Variants in ZBTB40 observed in about 807,000 individuals in gnomAD.
ZBTB40 encodes zinc finger and BTB domain-containing protein 40.
A neutral mutation model predicts 117.5 loss-of-function variants in ZBTB40; 60 were observed. The ratio of observed to expected loss-of-function variants is 0.51; its 90% confidence interval spans 0.41 to 0.63. The LOEUF (loss-of-function observed/expected upper bound fraction) is 0.63, where lower values mean the gene tolerates loss of function less well. Among genes scored for constraint, ZBTB40 ranks in the 30% least tolerant of loss-of-function variants. The pLI, the probability that ZBTB40 is intolerant of heterozygous loss-of-function variation, is 0.00. For missense variants in ZBTB40, 1,287 were observed against 1,498.5 expected, an observed-to-expected ratio of 0.86 and a Z score of 2.33; for synonymous variants, 525 against 577.1, an observed-to-expected ratio of 0.91 and a Z score of 1.29.
intron 1 of ZBTB40, among the ~76,000 whole-genome samples, chr1:22,483,386 CTG>C (rs1638380058): frequency 6.6e-6 from 1 of 152,156 alleles, no homozygotes. Context: ...TGTAGAATGT[CTG>C]TACTATTTTG....
At chr1:22,498,046 G>A (rs1469957883) in intron 3 of ZBTB40, among the ~76,000 whole-genome samples, 2 of 152,166 alleles carry the variant, frequency 1.3e-5, no homozygotes, top group African/African-American at 4.8e-5. Context: ...CAGTTAAAAG[G>A]CTTGAGTTAA....
At position 22,490,109 on chromosome 1, in the gene ZBTB40, A is replaced by T; in HGVS notation, c.161A>T (p.Asp54Val). The T allele has an allele frequency of 6.2e-7, 1 of 1,614,194 alleles. No individual in the cohort carries two copies. Among genetic ancestry groups the T allele is most frequent in the South Asian group, 1.1e-5 (1 of 91,082 alleles). ...AGCCTCCTGTTCAAAACCCTGCTGG[A>T]TAACACAGATACCATCTCCATCGAT... ...AASLLFKTLL[D>V]NTDTISIDAS... Residue 54 changes from aspartate to valine, a missense_variant, in exon 2 of 18, where the codon GAT (aspartate) becomes GTT (valine). This residue lies in a region of ZBTB40 where 870 missense variants were observed against 934.4 expected (regional missense o/e 0.93). Transcript: ENST00000375647.
chr1:22,520,305 C>T (rs760044386), intron 14 of ZBTB40, 30 bp downstream of exon 14: 1 of 1,574,432 alleles, frequency 6.4e-7, no homozygotes, highest in South Asian at 1.1e-5. Context: ...GGAGCTCTTC[C>T]CCTCACCCCT....
At chr1:22,435,025 T>TC (rs1184352871) in intron 1 of ZBTB40, among the ~76,000 whole-genome samples, 1 of 152,002 alleles carries the variant, frequency 6.6e-6, no homozygotes, top group Admixed American at 6.6e-5. Flanking sequence ...TTAATTTTTT[T>TC]TTTTTTTTTA....
At chr1:22,484,238 G>A (rs913853815) in intron 1 of ZBTB40, among the ~76,000 whole-genome samples, 2 of 152,062 alleles carry the variant, frequency 1.3e-5, no homozygotes, top group Admixed American at 1.3e-4. Flanking sequence ...TTTGGTCATG[G>A]GGAAGATCTG....
At position 22,463,151 on chromosome 1, in the gene ZBTB40, A is replaced by C. The variant is rs1218378352; in HGVS notation, c.-70+11147A>C. On this transcript the variant is annotated intron_variant, in intron 1 of 17. Transcript: ENST00000375647. Reference sequence around the variant, plus strand: ...AGACTGAGGCCAAGAGAGTTAAGCAACTTGACTAAAATTTAGCTGGTAAGA... The same window carrying C: ...AGACTGAGGCCAAGAGAGTTAAGCACCTTGACTAAAATTTAGCTGGTAAGA... Among the ~76,000 whole-genome samples, 5 of 152,212 alleles carry C rather than the reference A, an allele frequency of 3.3e-5. No homozygotes were observed. In the South Asian group the frequency reaches 1.0e-3, roughly 32 times the overall value.
intron 13 of ZBTB40, chr1:22,517,711 G>T: frequency 2.0e-6 from 1 of 497,458 alleles, no homozygotes; most frequent in Admixed American, 3.5e-5. Context: ...AGCCCACCTG[G>T]CACCATTTGT....
At chr1:22,468,462 TTCC>T (rs1469737633) in intron 1 of ZBTB40, among the ~76,000 whole-genome samples, 5,089 of 119,614 alleles carry the variant, frequency 0.043, 871 homozygotes, top group Middle Eastern at 0.087. Context: ...ATGTTAATGT[TTCC>T]TTTTTTTTTT....
At chr1:22,443,352 T>C (rs1243548424) in intron 1 of ZBTB40, among the ~76,000 whole-genome samples, 1 of 152,180 alleles carries the variant, frequency 6.6e-6, no homozygotes, top group Non-Finnish European at 1.5e-5. Context: ...CATAAATCAA[T>C]ATATGTAAGA....
At chr1:22,458,379 C>T (rs1641051384) in intron 1 of ZBTB40, among the ~76,000 whole-genome samples, 2 of 152,220 alleles carry the variant, frequency 1.3e-5, no homozygotes, top group African/African-American at 4.8e-5. Flanking sequence ...TCCCACAATT[C>T]ACCTTATATT....
intron 1 of ZBTB40, among the ~76,000 whole-genome samples, chr1:22,445,414 A>G (rs1640776229): frequency 6.6e-6 from 1 of 152,184 alleles, no homozygotes; most frequent in African/African-American, 2.4e-5. Context: ...AGGCTCACCA[A>G]AAGGCTGAGC....
intron 1 of ZBTB40, among the ~76,000 whole-genome samples, chr1:22,432,661 C>G (rs1211842007): frequency 6.6e-6 from 1 of 152,186 alleles, no homozygotes; most frequent in Non-Finnish European, 1.5e-5. Flanking sequence ...ATTCCCTGTT[C>G]AGATTTCCAT....
intron 1 of ZBTB40, among the ~76,000 whole-genome samples, chr1:22,455,450 A>G (rs1640982978): frequency 6.6e-6 from 1 of 152,212 alleles, no homozygotes; most frequent in African/African-American, 2.4e-5. Flanking sequence ...AACTCTCCCT[A>G]GTAACCATAT....
chr1:22,485,715 A>G (rs1557498997), intron 1 of ZBTB40, among the ~76,000 whole-genome samples: 1 of 151,796 alleles, frequency 6.6e-6, no homozygotes, highest in Non-Finnish European at 1.5e-5. Context: ...TAGTCTTCCC[A>G]CTGTTAGATA....
At chr1:22,522,545 G>A in intron 16 of ZBTB40, 82 bp downstream of exon 16, 1 of 1,349,496 alleles carries the variant, frequency 7.4e-7, no homozygotes, top group Non-Finnish European at 1.1e-6. Flanking sequence ...TGCAACCTAG[G>A]CTAAATCGCT....
At chr1:22,485,381 G>A (rs573834237) in intron 1 of ZBTB40, among the ~76,000 whole-genome samples, 71 of 152,210 alleles carry the variant, frequency 4.7e-4, no homozygotes, top group Middle Eastern at 3.4e-3. Context: ...AGATTGCATC[G>A]TTCAAGGAAT....
intron 1 of ZBTB40, among the ~76,000 whole-genome samples, chr1:22,488,048 C>T (rs769093494): frequency 1.3e-5 from 2 of 152,180 alleles, no homozygotes; most frequent in Non-Finnish European, 2.9e-5. Context: ...CTTTTTACCT[C>T]ATCTGTGCGT....
chr1:22,467,039 G>A (rs74843811), intron 1 of ZBTB40, among the ~76,000 whole-genome samples: 4,475 of 151,796 alleles, frequency 0.029, 104 homozygotes, highest in East Asian at 0.14. Flanking sequence ...TTAAAACCTC[G>A]TATATTTAAG....
At chr1:22,472,636 T>A (rs1641439721) in intron 1 of ZBTB40, among the ~76,000 whole-genome samples, 1 of 152,214 alleles carries the variant, frequency 6.6e-6, no homozygotes, top group South Asian at 2.1e-4. Context: ...GATGGCATAA[T>A]GGCTAGAAAG....
Sources: gnomAD v4.1 joint callset for allele counts (sites outside exome capture counted in the v4.1 genomes callset) on GRCh38, gnomAD v4.1.1 for gene constraint, gnomAD v4.1.1 regional missense constraint, MANE v1.5 for transcripts, NCBI Gene and HGNC (gene_info 2026-07-23, HGNC 2026-07-21) for gene names.